Variants in JARID2 observed in about 807,000 individuals in gnomAD.
The protein encoded by JARID2 is protein Jumonji.
A neutral mutation model predicts 125.6 loss-of-function variants in JARID2; 21 were observed. The ratio of observed to expected loss-of-function variants is 0.17; its 90% confidence interval spans 0.12 to 0.24. JARID2 has a LOEUF of 0.24. Ranked by LOEUF, JARID2 falls within the 10% of genes least tolerant of loss-of-function variation. The probability of loss-of-function intolerance (pLI) is 1.00; values close to 1 mark genes in which losing one functional copy is unlikely to be tolerated. For synonymous variants in JARID2, 736 were observed against 661.6 expected, an observed-to-expected ratio of 1.11 and a Z score of -1.73; for missense variants, 1,303 against 1,639.6, an observed-to-expected ratio of 0.79 and a Z score of 3.55.
chr6:15,322,853 A>T (rs904929783), intron 1 of JARID2, among the ~76,000 whole-genome samples: 4 of 152,248 alleles, frequency 2.6e-5, no homozygotes, highest in African/African-American at 9.6e-5. Flanking sequence ...TTATGTCTTC[A>T]AACAAAATAA....
At chr6:15,400,270 G>T (rs1054981993) in intron 2 of JARID2, among the ~76,000 whole-genome samples, 1 of 152,084 alleles carries the variant, frequency 6.6e-6, no homozygotes, top group Non-Finnish European at 1.5e-5. Flanking sequence ...ATGAGGCTCC[G>T]TGGAAGCTGG....
intron 3 of JARID2, among the ~76,000 whole-genome samples, chr6:15,448,698 G>A (rs1188457113): frequency 1.3e-5 from 2 of 152,106 alleles, no homozygotes; most frequent in Non-Finnish European, 2.9e-5. Context: ...AGCCTCATGG[G>A]AAAAGCAGGG....
chr6:15,477,751 A>G (rs1769418636), intron 5 of JARID2, among the ~76,000 whole-genome samples: 1 of 152,166 alleles, frequency 6.6e-6, no homozygotes. Flanking sequence ...AAATGAATTG[A>G]TACATGTTAC....
At chr6:15,469,364 CCCCT>C (rs1768944245) in intron 5 of JARID2, among the ~76,000 whole-genome samples, 1 of 49,528 alleles carries the variant, frequency 2.0e-5, no homozygotes, top group East Asian at 7.0e-4. Flanking sequence ...TCTCTCTCCT[CCCCT>C]TCTCCCCCTC....
At chr6:15,315,718 A>G (rs1474106239) in intron 1 of JARID2, among the ~76,000 whole-genome samples, 1 of 152,164 alleles carries the variant, frequency 6.6e-6, no homozygotes, top group Admixed American at 6.5e-5. Context: ...GTTTCGCCCA[A>G]TTCTGTTTTT....
At chr6:15,255,761 T>C (rs180863414) in intron 1 of JARID2, among the ~76,000 whole-genome samples, 1 of 152,330 alleles carries the variant, frequency 6.6e-6, no homozygotes, top group Admixed American at 6.5e-5. Flanking sequence ...TTAGTCCTTC[T>C]ATAGGTTTGC....
chr6:15,273,499 C>T (rs1760379548), intron 1 of JARID2, among the ~76,000 whole-genome samples: 1 of 152,188 alleles, frequency 6.6e-6, no homozygotes, highest in African/African-American at 2.4e-5. Flanking sequence ...GTCAGGAGTT[C>T]AAGACCAGCC....
rs1770721288 is a variant in JARID2 at position 15,501,283 on chromosome 6, CAAG to C, written c.2323_2325del (p.Lys775del). The C allele has an allele frequency of 1.2e-6, 2 of 1,613,524 alleles. No homozygotes were observed. The highest frequency in any genetic ancestry group is 1.7e-6 in the Non-Finnish European group (2 of 1,179,726). On this transcript the variant is annotated inframe_deletion, in exon 8 of 18. Transcript: ENST00000341776. ...CCAGGAACGGCTTCCGCAGCAAGCTCAAGGAGGTGGGCCAGGCCCAGTTGAAGA... is the reference window on the plus strand; with the variant it reads ...CCAGGAACGGCTTCCGCAGCAAGCTCGAGGTGGGCCAGGCCCAGTTGAAGA...
chr6:15,409,209 C>T (rs1026412838), intron 2 of JARID2, among the ~76,000 whole-genome samples: 9 of 152,094 alleles, frequency 5.9e-5, no homozygotes, highest in African/African-American at 2.2e-4. Context: ...GTCACAAAGA[C>T]TTAATACAGA....
At chr6:15,475,356 A>G (rs1419048833) in intron 5 of JARID2, among the ~76,000 whole-genome samples, 1 of 152,108 alleles carries the variant, frequency 6.6e-6, no homozygotes, top group Admixed American at 6.6e-5. Flanking sequence ...GAGGTTAGCA[A>G]TTTTCTGAAC....
chr6:15,265,575 C>G (rs78933673), intron 1 of JARID2, among the ~76,000 whole-genome samples: 10,485 of 152,098 alleles, frequency 0.069, 385 homozygotes, highest in East Asian at 0.099. Flanking sequence ...CTCATCTCTC[C>G]CCATGGGTAC....
chr6:15,495,064 A>G (rs962022703), intron 6 of JARID2, among the ~76,000 whole-genome samples: 2 of 152,218 alleles, frequency 1.3e-5, no homozygotes. Context: ...CATATCATAG[A>G]CGAAAAGTAA....
intron 5 of JARID2, among the ~76,000 whole-genome samples, chr6:15,469,498 T>TCCACTGCCAG (rs1768965397): frequency 6.7e-6 from 1 of 148,754 alleles, no homozygotes; most frequent in Non-Finnish European, 1.5e-5. Flanking sequence ...AGTGGCGCGA[T>TCCACTGCCAG]CTCGGCTCAC....
intron 5 of JARID2, among the ~76,000 whole-genome samples, chr6:15,470,011 T>C (rs953855626): frequency 6.6e-5 from 10 of 152,030 alleles, no homozygotes; most frequent in African/African-American, 2.2e-4. Flanking sequence ...ACCCCGTCTC[T>C]ACTAAAAATA....
At chr6:15,370,868 G>T (rs947633082) in intron 1 of JARID2, among the ~76,000 whole-genome samples, 1 of 152,158 alleles carries the variant, frequency 6.6e-6, no homozygotes, top group Non-Finnish European at 1.5e-5. Context: ...GAGAAAGGCA[G>T]CTTAATTGGG....
chr6:15,316,345 C>T (rs1047305723), intron 1 of JARID2, among the ~76,000 whole-genome samples: 4 of 152,046 alleles, frequency 2.6e-5, no homozygotes, highest in African/African-American at 4.8e-5. Context: ...AAAGTGTTGG[C>T]GTTACGGACA....
intron 1 of JARID2, among the ~76,000 whole-genome samples, chr6:15,352,702 A>G (rs1293762680): frequency 6.6e-6 from 1 of 152,230 alleles, no homozygotes; most frequent in Non-Finnish European, 1.5e-5. Context: ...GTGTGCTTCC[A>G]GCAGGCAGAA....
At chr6:15,248,440 A>G (rs1190484789) in intron 1 of JARID2, 7 of 8,540 alleles carry the variant, frequency 8.2e-4, no homozygotes, top group South Asian at 2.8e-3. Flanking sequence ...AGGGGGTGGG[A>G]GCGGGGGCGG....
At chr6:15,296,198 A>G (rs1270327295) in intron 1 of JARID2, among the ~76,000 whole-genome samples, 3 of 152,134 alleles carry the variant, frequency 2.0e-5, no homozygotes, top group African/African-American at 7.2e-5. Flanking sequence ...CTTTGAAGTA[A>G]ATGCTATTGT....
Sources: gnomAD v4.1 joint callset for allele counts (sites outside exome capture counted in the v4.1 genomes callset) on GRCh38, gnomAD v4.1.1 for gene constraint, MANE v1.5 for transcripts, NCBI Gene and HGNC (gene_info 2026-07-23, HGNC 2026-07-21) for gene names.